Variants in GPC6 observed in about 807,000 individuals in gnomAD.
GPC6 encodes glypican-6.
GPC6 carries 14 observed loss-of-function variants against 55.2 expected under a neutral mutation model. That is an observed-to-expected ratio of 0.25 (90% confidence interval 0.17 to 0.40). GPC6 has a LOEUF of 0.40. Ranked by LOEUF, GPC6 falls within the 10% of genes least tolerant of loss-of-function variation. The pLI is 1.00. For synonymous variants in GPC6, 278 were observed against 259.6 expected, an observed-to-expected ratio of 1.07 and a Z score of -0.68; for missense variants, 641 against 708.5, an observed-to-expected ratio of 0.90 and a Z score of 1.08.
At chr13:93,744,043 G>T (rs1884300805) in intron 2 of GPC6, among the ~76,000 whole-genome samples, 1 of 152,102 alleles carries the variant, frequency 6.6e-6, no homozygotes, top group South Asian at 2.1e-4. Context: ...AAATACTTTA[G>T]AGTACAGATT....
chr13:93,470,374 A>G (rs575404812), intron 1 of GPC6, among the ~76,000 whole-genome samples: 11 of 152,258 alleles, frequency 7.2e-5, no homozygotes, highest in Admixed American at 2.6e-4. Context: ...TCAGTTGGTA[A>G]AATCATAAGG....
At chr13:94,345,613 A>G (rs1364591759) in intron 6 of GPC6, among the ~76,000 whole-genome samples, 1 of 152,172 alleles carries the variant, frequency 6.6e-6, no homozygotes, top group African/African-American at 2.4e-5. Context: ...CGTGGGTCTA[A>G]GTTTGCTAGA....
chr13:94,036,876 TCAACTAAA>T (rs1346733685), intron 4 of GPC6, among the ~76,000 whole-genome samples: 1 of 151,974 alleles, frequency 6.6e-6, no homozygotes, highest in East Asian at 1.9e-4. Flanking sequence ...CCACAATCGT[TCAACTAAA>T]CAGCTCTTTG....
intron 4 of GPC6, among the ~76,000 whole-genome samples, chr13:94,076,014 T>G (rs376283903): frequency 1.3e-5 from 2 of 152,226 alleles, no homozygotes; most frequent in East Asian, 1.9e-4. Context: ...TAGTTCCATT[T>G]AAATATTTTG....
upstream of GPC6, among the ~76,000 whole-genome samples, chr13:93,222,540 T>C (rs1875651539): frequency 6.6e-6 from 1 of 152,222 alleles, no homozygotes; most frequent in African/African-American, 2.4e-5. Context: ...TCTCTCAAAA[T>C]TTCCAGTAAG....
chr13:94,272,094 C>A (rs1331470462), intron 4 of GPC6, among the ~76,000 whole-genome samples: 5 of 151,828 alleles, frequency 3.3e-5, no homozygotes, highest in Admixed American at 2.6e-4. Flanking sequence ...ATATATATAT[C>A]TTTTCAATAA....
At position 94,382,422 on chromosome 13, in the gene GPC6, C is replaced by T. The variant is rs749441086; in HGVS notation, c.1161C>T (p.Asp387=). 1 of 1,613,966 alleles carries T rather than the reference C, an allele frequency of 6.2e-7. No homozygotes were observed. The highest frequency in any genetic ancestry group is 8.5e-7 in the Non-Finnish European group (1 of 1,179,968). ...CTTGGTTTCTTGATCAGGTCACAGA[C>T]ATAAAAGAGAAATTGAAGCTCTCTA... ...AGTSLDRLVT[D]IKEKLKLSKK... Residue 387 remains aspartate (D), a synonymous_variant, in exon 7 of 9, where the codon GAC becomes GAT. Transcript: ENST00000377047.
At chr13:93,468,857 C>T (rs542674861) in intron 1 of GPC6, among the ~76,000 whole-genome samples, 53 of 152,312 alleles carry the variant, frequency 3.5e-4, no homozygotes, top group African/African-American at 1.1e-3. Context: ...AAGTAAACCA[C>T]TGTAACATTT....
intron 2 of GPC6, among the ~76,000 whole-genome samples, chr13:93,633,037 G>T (rs1213788973): frequency 6.6e-6 from 1 of 152,066 alleles, no homozygotes; most frequent in Non-Finnish European, 1.5e-5. Context: ...AAAACAGATG[G>T]CTGCCAATTT....
intron 2 of GPC6, among the ~76,000 whole-genome samples, chr13:93,676,977 ACT>A (rs1159979319): frequency 6.6e-6 from 1 of 151,556 alleles, no homozygotes; most frequent in Non-Finnish European, 1.5e-5. Flanking sequence ...AGCAGAGAAG[ACT>A]CTGCTGAATC....
intron 3 of GPC6, among the ~76,000 whole-genome samples, chr13:93,840,633 AG>A (rs1335932754): frequency 6.6e-6 from 1 of 152,080 alleles, no homozygotes; most frequent in Non-Finnish European, 1.5e-5. Context: ...AGTTTTTCCC[AG>A]GGGTATATTC....
At chr13:93,829,138 C>T (rs144260089) in intron 2 of GPC6, among the ~76,000 whole-genome samples, 5 of 151,968 alleles carry the variant, frequency 3.3e-5, no homozygotes, top group Admixed American at 2.6e-4. Context: ...TCATTTTACT[C>T]TTGGGAACTT....
Position 93,719,799 on chromosome 13 carries a change from G to C in GPC6, c.320-110355G>C, listed in dbSNP as rs575847624. Among the ~76,000 whole-genome samples the C allele has an allele frequency of 3.6e-4, 55 of 152,092 alleles. 1 individual carries two copies. Among genetic ancestry groups the C allele is most frequent in the South Asian group, 8.3e-4 (4 of 4,826 alleles). On this transcript the variant is annotated intron_variant, in intron 2 of 8. Coordinates refer to ENST00000377047, the MANE Select transcript of GPC6 (RefSeq NM_005708.5). ...TTGAGTGTTTTTAGCATGAAGTCCT[G>C]TTTAATTTTATGAAGGCCTTTTCTG...
chr13:94,310,946 A>G (rs547440728), intron 6 of GPC6, among the ~76,000 whole-genome samples: 5 of 152,170 alleles, frequency 3.3e-5, no homozygotes, highest in African/African-American at 1.2e-4. Flanking sequence ...GCCCTCATGC[A>G]TAAGGTGCTA....
chr13:93,590,167 G>A (rs2139505553), intron 2 of GPC6, among the ~76,000 whole-genome samples: 1 of 152,320 alleles, frequency 6.6e-6, no homozygotes, highest in South Asian at 2.1e-4. Flanking sequence ...TTATGCTAGA[G>A]TTTGTAATTT....
chr13:93,829,193 T>C (rs7319881), intron 2 of GPC6, among the ~76,000 whole-genome samples: 5,893 of 152,294 alleles, frequency 0.039, 156 homozygotes, highest in African/African-American at 0.065. Context: ...GCTCTTTCCC[T>C]ACCCCAATTT....
intron 7 of GPC6, among the ~76,000 whole-genome samples, chr13:94,394,168 G>A (rs1880794953): frequency 6.6e-6 from 1 of 152,186 alleles, no homozygotes; most frequent in Admixed American, 6.5e-5. Context: ...AAATAATTCT[G>A]TAAAACTGCC....
chr13:94,286,409 A>G lies in GPC6; in HGVS notation c.938A>G (p.Asp313Gly). Residue 313 changes from aspartate (D) to glycine (G), a missense_variant, in exon 5 of 9, where the codon GAC (aspartate) becomes GGC (glycine). Transcript: ENST00000377047. ...CCATTCAACATTGAGTCGGTCATGGACCCGATAGATGTCAAGATTTCTGAA... is the reference window on the plus strand; with the variant it reads ...CCATTCAACATTGAGTCGGTCATGGGCCCGATAGATGTCAAGATTTCTGAA... ...EGPFNIESVM[D>G]PIDVKISEAI... The G allele has an allele frequency of 6.2e-7, 1 of 1,613,612 alleles. No homozygotes were observed.
At chr13:93,646,561 G>T (rs1227222924) in intron 2 of GPC6, among the ~76,000 whole-genome samples, 1 of 152,018 alleles carries the variant, frequency 6.6e-6, no homozygotes, top group South Asian at 2.1e-4. Flanking sequence ...CTGACCATAT[G>T]TCCCCCCAGC....
Sources: allele counts gnomAD v4.1 joint callset (sites outside exome capture counted in the v4.1 genomes callset), GRCh38; gene constraint gnomAD v4.1.1; transcripts MANE v1.5; gene names NCBI Gene and HGNC (gene_info 2026-07-23, HGNC 2026-07-21).